ZNF544: variants seen among roughly 807,000 people sequenced by gnomAD.
ZNF544 encodes zinc finger protein AF020591.
A neutral mutation model predicts 13.5 loss-of-function variants in ZNF544; 10 were observed. That is an observed-to-expected ratio of 0.74 (90% CI 0.46 to 1.25). ZNF544 has a LOEUF of 1.25. Among genes scored for constraint, ZNF544 ranks in the 50% most tolerant of loss-of-function variants. The pLI is 0.00. For synonymous variants in ZNF544, 323 were observed against 300.5 expected, an observed-to-expected ratio of 1.07 and a Z score of -0.77; for missense variants, 896 against 845.6, an observed-to-expected ratio of 1.06 and a Z score of -0.74.
intron 3 of ZNF544, among the ~76,000 whole-genome samples, chr19:58,231,306 G>A (rs901991564): frequency 6.6e-6 from 1 of 152,174 alleles, no homozygotes; most frequent in Non-Finnish European, 1.5e-5. Context: ...CCCCAGCCAC[G>A]AGGCCTCAGT....
chr19:58,244,145 A>G (rs2044540829), intron 4 of ZNF544, 89 bp downstream of exon 4: 2 of 1,174,340 alleles, frequency 1.7e-6, no homozygotes, highest in Non-Finnish European at 2.4e-6. Context: ...AGGCTGTCAC[A>G]CAGGAGCGCT....
intron 3 of ZNF544, among the ~76,000 whole-genome samples, chr19:58,237,497 C>G (rs1419943621): frequency 6.6e-6 from 1 of 152,208 alleles, no homozygotes; most frequent in Non-Finnish European, 1.5e-5. Context: ...ATCTTGGGGC[C>G]TAGTGTTAGG....
chr19:58,271,932 C>T (rs1047099575), intron 5 of ZNF544, among the ~76,000 whole-genome samples: 5 of 151,828 alleles, frequency 3.3e-5, no homozygotes, highest in African/African-American at 7.3e-5. Context: ...GAGGCCGAGG[C>T]GGGCGGATCA....
chr19:58,237,820 A>G (rs1485076031), intron 3 of ZNF544, among the ~76,000 whole-genome samples: 3 of 152,228 alleles, frequency 2.0e-5, no homozygotes, highest in Non-Finnish European at 4.4e-5. Flanking sequence ...GGGAGGCAGC[A>G]AGGTGCGGAG....
At chr19:58,237,957 A>G (rs1231473602) in intron 3 of ZNF544, among the ~76,000 whole-genome samples, 4 of 152,128 alleles carry the variant, frequency 2.6e-5, no homozygotes, top group African/African-American at 9.7e-5. Flanking sequence ...GGAGATTTTT[A>G]AAACTTCTCT....
intron 3 of ZNF544, among the ~76,000 whole-genome samples, chr19:58,238,129 A>C (rs1304965401): frequency 6.6e-6 from 1 of 152,090 alleles, no homozygotes; most frequent in East Asian, 1.9e-4. Flanking sequence ...ACGGGGTTTC[A>C]CCATGTTGGT....
rs199955971 is a variant in ZNF544 at position 58,244,033 on chromosome 19, C to T, written c.10C>T (p.Arg4Cys). 140 of 1,608,198 alleles carry T rather than the reference C, an allele frequency of 8.7e-5. No homozygotes were observed. In the East Asian group the frequency reaches 9.6e-4, roughly 11 times the overall value. MEA[R>C]SMLVPPQASV... is the part of the protein sequence containing the mutation. ...CAGGTGCAGGGAGGAAATGGAAGCACGTTCTATGCTGGTTCCACCCCAGGT... is the reference window on the plus strand; with the variant it reads ...CAGGTGCAGGGAGGAAATGGAAGCATGTTCTATGCTGGTTCCACCCCAGGT... Residue 4 changes from arginine to cysteine, a missense_variant, in exon 4 of 7, where the codon CGT (arginine) becomes TGT (cysteine). Transcript: ENST00000687789.
chr19:58,238,244 C>T (rs2042846639), intron 3 of ZNF544, among the ~76,000 whole-genome samples: 1 of 152,118 alleles, frequency 6.6e-6, no homozygotes, highest in Non-Finnish European at 1.5e-5. Context: ...GATTTTTAAT[C>T]TGGGAAGGGA....
At position 58,262,728 on chromosome 19, in the gene ZNF544, C is replaced by T. The variant is rs34914886; in HGVS notation, c.2122C>T (p.Arg708Trp). ...GCAATCTCAACTTGTAGTGCATCGGCGGACACATACTGGAGAGAAACCTTA... is the reference window on the plus strand; with the variant it reads ...GCAATCTCAACTTGTAGTGCATCGGTGGACACATACTGGAGAGAAACCTTA... ...RQQSQLVVHR[R>W]THTGEKP is the part of the protein sequence containing the mutation. Residue 708 changes from arginine to tryptophan, a missense_variant, in exon 7 of 7, where the codon CGG becomes TGG. By Grantham distance (101) the Arg-to-Trp change is moderately radical (BLOSUM62 -3). Coordinates refer to ENST00000687789, the MANE Select transcript of ZNF544 (RefSeq NM_014480.4). 29,703 of 1,604,296 alleles carry T rather than the reference C, an allele frequency of 0.019. 332 individuals carry two copies. Among genetic ancestry groups the T allele is most frequent in the Non-Finnish European group, 0.022 (25,815 of 1,173,706 alleles).
Position 58,263,215 on chromosome 19 carries a change from G to A in ZNF544, c.*461G>A, listed in dbSNP as rs260463. Reference sequence around the variant, plus strand: ...GTTGCCAACACTTGTAATCCCAGCAGTTTGCGAGGCCGAGGCAGGTGGATC... The same window carrying A: ...GTTGCCAACACTTGTAATCCCAGCAATTTGCGAGGCCGAGGCAGGTGGATC... On this transcript the variant is annotated 3_prime_UTR_variant, in exon 7 of 7. Transcript: ENST00000687789. The A allele has an allele frequency of 2.8e-3, 2,746 of 991,276 alleles. 8 individuals are homozygous for A. Among genetic ancestry groups the A allele is most frequent in the Admixed American group, 3.2e-3 (57 of 17,764 alleles). 61.4% of individuals were successfully genotyped at this position (991,276 alleles called of 1,614,324 possible).
intron 6 of ZNF544, among the ~76,000 whole-genome samples, chr19:58,249,348 G>A (rs566528692): frequency 7.4e-4 from 112 of 152,236 alleles, no homozygotes; most frequent in African/African-American, 2.0e-3. Flanking sequence ...CTCTCTCCCC[G>A]CCCTGTCTAG....
rs1339999078 is a variant in ZNF544, at chr19:58,246,791, C to G, written c.241C>G (p.Arg81Gly). The G allele has an allele frequency of 3.7e-6, 6 of 1,613,768 alleles. No individual in the cohort carries two copies. Among genetic ancestry groups the G allele is most frequent in the Non-Finnish European group, 5.1e-6 (6 of 1,179,832 alleles). ...DLCRAEQEAP[R>G]DWKATLEENR... ...GTGCAGGGCAGAGCAGGAGGCCCCC[C>G]GAGGTAAGAGCAGACCTTGTGGTGA... The change falls in exon 6 of 7, where the codon CGA (arginine) becomes GGA (glycine). Residue 81 changes from arginine (R) to glycine (G), a missense_variant. By Grantham distance (125) the Arg-to-Gly change is moderately radical. Coordinates refer to ENST00000687789, the MANE Select transcript of ZNF544 (RefSeq NM_014480.4).
At chr19:58,241,239 T>C (rs956844076) in intron 3 of ZNF544, among the ~76,000 whole-genome samples, 1 of 126,110 alleles carries the variant, frequency 7.9e-6, no homozygotes, top group African/African-American at 3.1e-5. Context: ...CTCGAACTCC[T>C]GGGCTCAAAC....
chr19:58,239,165 C>T (rs937743889), intron 3 of ZNF544, among the ~76,000 whole-genome samples: 1 of 152,196 alleles, frequency 6.6e-6, no homozygotes, highest in African/African-American at 2.4e-5. Context: ...GTGCCTGACA[C>T]AGGCTTGCCC....
chr19:58,269,464 G>C (rs1218904387), intron 5 of ZNF544, among the ~76,000 whole-genome samples: 1 of 150,386 alleles, frequency 6.6e-6, no homozygotes, highest in South Asian at 2.1e-4. Flanking sequence ...AAAATGTCAG[G>C]GTCGGGCATG....
intron 5 of ZNF544, among the ~76,000 whole-genome samples, chr19:58,273,068 C>T (rs2050832673): frequency 1.3e-5 from 2 of 151,212 alleles, no homozygotes; most frequent in Admixed American, 1.3e-4. Context: ...GTAATCCCAG[C>T]TACTTGGGAG....
intron 3 of ZNF544, among the ~76,000 whole-genome samples, chr19:58,241,541 G>A (rs1009681262): frequency 6.7e-6 from 1 of 149,280 alleles, no homozygotes; most frequent in Non-Finnish European, 1.5e-5. Context: ...CTGTCACCCA[G>A]GCTGGAGTGC....
intron 4 of ZNF544, 92 bp from the exon 5 acceptor site, chr19:58,246,209 C>CG: frequency 1.9e-6 from 3 of 1,559,950 alleles, no homozygotes; most frequent in South Asian, 1.1e-5. Context: ...ATGAATTTTA[C>CG]GGGGGGACAC....
chr19:58,252,823 T>C (rs1056328622), intron 6 of ZNF544, among the ~76,000 whole-genome samples: 1 of 152,202 alleles, frequency 6.6e-6, no homozygotes, highest in African/African-American at 2.4e-5. Context: ...TATTTACTTA[T>C]TATCATTATG....
Sources: gnomAD v4.1 joint callset for allele counts (sites outside exome capture counted in the v4.1 genomes callset) on GRCh38, gnomAD v4.1.1 for gene constraint, MANE v1.5 for transcripts, NCBI Gene and HGNC (gene_info 2026-07-23, HGNC 2026-07-21) for gene names.